Variants in UST observed in about 807,000 individuals in gnomAD.
UST encodes the protein chondroitin sulfate 2-O-sulfotransferase.
UST carries 21 observed loss-of-function variants against 45.6 expected under a neutral mutation model. The observed-to-expected ratio is 0.46, with a 90% confidence interval of 0.33 to 0.66. The LOEUF is 0.66. Among genes scored for constraint, UST ranks in the 30% least tolerant of loss-of-function variants. The pLI is 0.02. For synonymous variants in UST, 215 were observed against 200.6 expected, an observed-to-expected ratio of 1.07 and a Z score of -0.61; for missense variants, 463 against 512.4, an observed-to-expected ratio of 0.90 and a Z score of 0.93.
intron 1 of UST, among the ~76,000 whole-genome samples, chr6:148,789,451 TCTCACACACACACA>T (rs1562258495): frequency 7.5e-6 from 1 of 132,932 alleles, no homozygotes; most frequent in South Asian, 2.4e-4. Context: ...TCTCTCTCTC[TCTCACACACACACA>T]CACACACACA....
At chr6:148,959,927 C>A (rs1428209651) in intron 4 of UST, among the ~76,000 whole-genome samples, 1 of 151,956 alleles carries the variant, frequency 6.6e-6, no homozygotes. Context: ...GACCTCCCCA[C>A]CATGCTGGCC....
At chr6:148,921,776 A>T (rs572056299) in intron 2 of UST, among the ~76,000 whole-genome samples, 1 of 152,262 alleles carries the variant, frequency 6.6e-6, no homozygotes, top group East Asian at 1.9e-4. Flanking sequence ...AGTCGCAGTC[A>T]TGAAGTGCCA....
intron 1 of UST, among the ~76,000 whole-genome samples, chr6:148,784,077 C>T (rs775174981): frequency 3.3e-5 from 5 of 152,012 alleles, no homozygotes; most frequent in African/African-American, 4.8e-5. Flanking sequence ...AACCCTCATA[C>T]GCTTCATCAT....
chr6:148,801,661 C>T (rs915316084), intron 1 of UST, among the ~76,000 whole-genome samples: 1 of 152,250 alleles, frequency 6.6e-6, no homozygotes, highest in African/African-American at 2.4e-5. Context: ...AACTTCCAAG[C>T]TCCTGGTTTC....
intron 1 of UST, 73 bp from the exon 2 acceptor site, chr6:148,886,913 C>T: frequency 7.9e-7 from 1 of 1,264,878 alleles, no homozygotes; most frequent in Non-Finnish European, 1.2e-6. Context: ...GAATGCTTAT[C>T]TTCAATAACT....
At chr6:149,037,198 A>G (rs370920204) in intron 7 of UST, among the ~76,000 whole-genome samples, 42 of 152,322 alleles carry the variant, frequency 2.8e-4, no homozygotes, top group African/African-American at 9.6e-4. Context: ...CTCCGGTAGC[A>G]GGAGCAGCAG....
At chr6:148,913,041 A>G (rs1779507281) in intron 2 of UST, among the ~76,000 whole-genome samples, 1 of 152,202 alleles carries the variant, frequency 6.6e-6, no homozygotes, top group Admixed American at 6.5e-5. Flanking sequence ...CTCACTTCAC[A>G]CAGCAAAGTT....
At chr6:148,941,797 C>T (rs1268815724) in intron 3 of UST, among the ~76,000 whole-genome samples, 4 of 152,100 alleles carry the variant, frequency 2.6e-5, no homozygotes, top group East Asian at 1.9e-4. Context: ...TAATATTCTT[C>T]CCTCTTCATT....
chr6:148,845,479 A>G (rs566801249), intron 1 of UST, among the ~76,000 whole-genome samples: 3 of 152,316 alleles, frequency 2.0e-5, no homozygotes, highest in African/African-American at 7.2e-5. Context: ...TTTCATGAAT[A>G]TATCACGGTT....
At chr6:148,948,476 G>A (rs1046918891) in intron 3 of UST, among the ~76,000 whole-genome samples, 5 of 152,116 alleles carry the variant, frequency 3.3e-5, no homozygotes, top group Admixed American at 1.3e-4. Context: ...CAGGTTGAAA[G>A]CAAAAGATTA....
intron 1 of UST, among the ~76,000 whole-genome samples, chr6:148,784,842 G>C (rs1246159384): frequency 1.3e-5 from 2 of 152,224 alleles, no homozygotes; most frequent in African/African-American, 4.8e-5. Flanking sequence ...CTTATCAGTG[G>C]ACATGAAGTA....
At chr6:148,902,577 C>T (rs574989943) in intron 2 of UST, among the ~76,000 whole-genome samples, 13 of 152,108 alleles carry the variant, frequency 8.5e-5, no homozygotes, top group East Asian at 1.9e-4. Context: ...TTGAGTCTCA[C>T]GTTGTTGCCC....
At chr6:148,872,738 GC>G (rs980385748) in intron 1 of UST, among the ~76,000 whole-genome samples, 130 of 152,232 alleles carry the variant, frequency 8.5e-4, no homozygotes, top group African/African-American at 2.9e-3. Context: ...TTGTTTTCTT[GC>G]CTTTTCCAGC....
At chr6:148,803,475 T>C (rs1268026134) in intron 1 of UST, among the ~76,000 whole-genome samples, 1 of 152,196 alleles carries the variant, frequency 6.6e-6, no homozygotes, top group East Asian at 1.9e-4. Flanking sequence ...TTAAGTGTTA[T>C]TACTTCTGTC....
intron 1 of UST, among the ~76,000 whole-genome samples, chr6:148,843,133 C>T (rs979351518): frequency 6.6e-6 from 1 of 152,130 alleles, no homozygotes; most frequent in Non-Finnish European, 1.5e-5. Context: ...TTTGACTGAT[C>T]ACAGGGGGAA....
At chr6:149,025,355 T>C (rs905748764) in intron 7 of UST, among the ~76,000 whole-genome samples, 1 of 152,224 alleles carries the variant, frequency 6.6e-6, no homozygotes, top group Non-Finnish European at 1.5e-5. Context: ...TTGCATTTTA[T>C]GGAGACAGAA....
intron 5 of UST, among the ~76,000 whole-genome samples, chr6:148,970,508 G>C (rs1214928910): frequency 6.6e-6 from 1 of 152,132 alleles, no homozygotes; most frequent in Non-Finnish European, 1.5e-5. Flanking sequence ...TTAGTTACAA[G>C]GGGCTTACGA....
At chr6:149,002,659 A>G (rs1781573389) in intron 5 of UST, among the ~76,000 whole-genome samples, 1 of 152,128 alleles carries the variant, frequency 6.6e-6, no homozygotes, top group African/African-American at 2.4e-5. Flanking sequence ...GGCACAGACC[A>G]CCACGCCCAG....
At chr6:148,849,797 G>T (rs1778070196) in intron 1 of UST, among the ~76,000 whole-genome samples, 1 of 152,026 alleles carries the variant, frequency 6.6e-6, no homozygotes, top group Non-Finnish European at 1.5e-5. Flanking sequence ...TGACACGTGG[G>T]GATTATTACA....
Sources: gnomAD v4.1 joint callset for allele counts (sites outside exome capture counted in the v4.1 genomes callset) on GRCh38, gnomAD v4.1.1 for gene constraint, MANE v1.5 for transcripts, NCBI Gene and HGNC (gene_info 2026-07-23, HGNC 2026-07-21) for gene names.